Variants in TRHDE observed in about 807,000 individuals in gnomAD.
The protein encoded by TRHDE is thyrotropin-releasing hormone-degrading ectoenzyme.
In TRHDE, 72 loss-of-function variants were observed where a neutral mutation model predicts 125.7. The ratio of observed to expected loss-of-function variants is 0.57; its 90% CI spans 0.47 to 0.70. TRHDE has a LOEUF of 0.70. Among genes scored for constraint, TRHDE ranks in the 30% least tolerant of loss-of-function variants. The pLI is 0.00. For synonymous variants in TRHDE, 509 were observed against 509.1 expected, an observed-to-expected ratio of 1.00 and a Z score of 0.00; for missense variants, 1,110 against 1,327.1, an observed-to-expected ratio of 0.84 and a Z score of 2.54.
intron 3 of TRHDE, among the ~76,000 whole-genome samples, chr12:72,437,720 A>G (rs899118341): frequency 6.6e-6 from 1 of 151,840 alleles, no homozygotes; most frequent in African/African-American, 2.4e-5. Context: ...AAATATATAT[A>G]GTGGAGTAAC....
At chr12:72,299,187 G>A (rs11179146) in intron 2 of TRHDE, among the ~76,000 whole-genome samples, 83,352 of 152,070 alleles carry the variant, frequency 0.55, 26,640 homozygotes, top group East Asian at 0.8. Context: ...GAAACAAAGA[G>A]ACAAATTATT....
intron 12 of TRHDE, among the ~76,000 whole-genome samples, chr12:72,605,793 C>T (rs539326509): frequency 1.8e-4 from 27 of 152,198 alleles, no homozygotes; most frequent in African/African-American, 6.0e-4. Flanking sequence ...GTGTGTCCTT[C>T]TCTATCCATT....
intron 2 of TRHDE, chr12:72,254,182 T>C (rs1314084162): frequency 6.6e-6 from 1 of 152,138 alleles, no homozygotes; most frequent in Non-Finnish European, 1.5e-5. Flanking sequence ...CTTCTTCAAC[T>C]TTACAGGGAC....
intron 2 of TRHDE, among the ~76,000 whole-genome samples, chr12:72,374,425 C>T (rs1361621928): frequency 6.6e-6 from 1 of 151,554 alleles, no homozygotes; most frequent in East Asian, 2.0e-4. Flanking sequence ...ATTCATGAGT[C>T]TGGAAGTCTG....
intron 2 of TRHDE, among the ~76,000 whole-genome samples, chr12:72,317,603 G>T (rs998173007): frequency 6.6e-6 from 1 of 152,054 alleles, no homozygotes; most frequent in Non-Finnish European, 1.5e-5. Flanking sequence ...ATTCATGAAG[G>T]CTCCCAATTA....
rs1418844859 is a variant in TRHDE, at chr12:72,238,337, CATTATATATATATATATATATATAT to C, written n.279+132587_279+132611del. 8.4e-3 allele frequency among the ~76,000 whole-genome samples: 132 copies of C among 15,770 alleles called. 4 individuals carry two copies. Among genetic ancestry groups the C allele is most frequent in the East Asian group, 0.053 (79 of 1,482 alleles). 10.3% of individuals were successfully genotyped at this position (15,770 alleles called of 152,430 possible). A position where few individuals can be genotyped will look rare whatever the true frequency, so the allele number is the denominator to read the frequency against. ...ATATATATATACATATATATATACA[CATTATATATATATATATATATATAT>C]ACACATACATATATATATATTTTTT... On this transcript the variant is annotated intron_variant and non_coding_transcript_variant, in intron 2 of 4. Coordinates refer to the TRHDE transcript ENST00000548156.
Position 72,390,967 on chromosome 12 carries a change from G to A in TRHDE, c.1315+12846G>A, listed in dbSNP as rs1319800648. ...AATATAAAAGGCGAGTCCTCAGCAC[G>A]TCGTATAAAATTCAACTTGGATGAT... On this transcript the variant is annotated intron_variant, in intron 3 of 18. Coordinates refer to ENST00000261180, the MANE Select transcript of TRHDE (RefSeq NM_013381.3). 5.3e-5 allele frequency among the ~76,000 whole-genome samples: 8 copies of A among 152,096 alleles called. No homozygotes were observed. In the South Asian group the frequency reaches 1.0e-3, roughly 20 times the overall value.
At position 72,591,114 on chromosome 12, in the gene TRHDE, A is replaced by T. The variant is rs114738886; in HGVS notation, c.2321+15572A>T. On this transcript the variant is annotated intron_variant, in intron 12 of 18. Transcript: ENST00000261180. Reference sequence around the variant, plus strand: ...ACTGTGCAGGGAAGCTGCTCTTTTTAAAACCATTAAATCTTATGAGACTTA... The same window carrying T: ...ACTGTGCAGGGAAGCTGCTCTTTTTTAAACCATTAAATCTTATGAGACTTA... 1.1e-3 allele frequency among the ~76,000 whole-genome samples: 162 copies of T among 152,306 alleles called. 1 individual carries two copies. The highest frequency in any genetic ancestry group is 3.8e-3 in the African/African-American group (156 of 41,566).
intron 6 of TRHDE, among the ~76,000 whole-genome samples, chr12:72,532,753 T>C (rs1868624249): frequency 6.7e-6 from 1 of 150,306 alleles, no homozygotes; most frequent in East Asian, 1.9e-4. Flanking sequence ...AAATATTTTC[T>C]CTCTCTTCAT....
At chr12:72,563,346 A>G (rs541974042) in intron 9 of TRHDE, among the ~76,000 whole-genome samples, 3 of 152,340 alleles carry the variant, frequency 2.0e-5, no homozygotes, top group South Asian at 4.1e-4. Context: ...ATTAAATGCA[A>G]GAAGTTAAAA....
At chr12:72,123,692 TTC>T (rs1171642472) in intron 2 of TRHDE, among the ~76,000 whole-genome samples, 2 of 152,160 alleles carry the variant, frequency 1.3e-5, no homozygotes, top group African/African-American at 4.8e-5. Context: ...TACAATAAAC[TTC>T]TCAAATATAT....
intron 3 of TRHDE, among the ~76,000 whole-genome samples, chr12:72,465,557 T>C (rs1312529871): frequency 6.6e-6 from 1 of 152,198 alleles, no homozygotes; most frequent in Non-Finnish European, 1.5e-5. Context: ...TTCATTTCTT[T>C]TTATTGCTGA....
chr12:72,659,178 G>A (rs774964973), intron 18 of TRHDE, among the ~76,000 whole-genome samples: 9 of 152,148 alleles, frequency 5.9e-5, no homozygotes, highest in African/African-American at 9.7e-5. Context: ...CAGTAAAGAC[G>A]CTTACATTGT....
intron 2 of TRHDE, among the ~76,000 whole-genome samples, chr12:72,169,381 C>G (rs1023812499): frequency 2.0e-5 from 3 of 152,148 alleles, no homozygotes; most frequent in African/African-American, 7.2e-5. Flanking sequence ...AATGCCATAT[C>G]CTAAGTGGCT....
intron 2 of TRHDE, chr12:72,303,216 G>T (rs1343268328): frequency 2.0e-5 from 3 of 152,130 alleles, no homozygotes; most frequent in African/African-American, 7.2e-5. Context: ...TATCACTAGA[G>T]ATGTTAGGAA....
intron 9 of TRHDE, among the ~76,000 whole-genome samples, chr12:72,564,339 A>C (rs913220237): frequency 6.6e-6 from 1 of 152,180 alleles, no homozygotes; most frequent in Non-Finnish European, 1.5e-5. Flanking sequence ...GCACAAGCGT[A>C]GGCATCAACT....
At chr12:72,155,839 A>G (rs1320508293) in intron 2 of TRHDE, among the ~76,000 whole-genome samples, 1 of 152,208 alleles carries the variant, frequency 6.6e-6, no homozygotes, top group Middle Eastern at 3.2e-3. Flanking sequence ...CTCTGGGGTC[A>G]GGGACCCACT....
At chr12:72,641,225 C>T (rs1874046640) in intron 15 of TRHDE, among the ~76,000 whole-genome samples, 1 of 152,102 alleles carries the variant, frequency 6.6e-6, no homozygotes, top group South Asian at 2.1e-4. Context: ...GTATAATTTT[C>T]CTCTGTAAGA....
intron 3 of TRHDE, among the ~76,000 whole-genome samples, chr12:72,460,291 G>A (rs1876065864): frequency 6.6e-6 from 1 of 152,102 alleles, no homozygotes; most frequent in Admixed American, 6.5e-5. Flanking sequence ...GAAAATGATG[G>A]GTAGAGAGGA....
Sources: gnomAD v4.1 joint callset for allele counts (sites outside exome capture counted in the v4.1 genomes callset) on GRCh38, gnomAD v4.1.1 for gene constraint, MANE v1.5 for transcripts, NCBI Gene and HGNC (gene_info 2026-07-23, HGNC 2026-07-21) for gene names.